TKFC: variants seen among roughly 807,000 people sequenced by gnomAD.
TKFC encodes triokinase/FMN cyclase.
Under a neutral mutation model 61.0 loss-of-function variants are expected in TKFC, and 46 were observed. The ratio of observed to expected loss-of-function variants is 0.75; its 90% CI spans 0.60 to 0.96. The LOEUF is 0.96. TKFC is among the 50% of genes least tolerant of loss of function. TKFC has a pLI of 0.00. For synonymous variants in TKFC, 314 were observed against 330.1 expected, an observed-to-expected ratio of 0.95 and a Z score of 0.53; for missense variants, 715 against 777.5, an observed-to-expected ratio of 0.92 and a Z score of 0.96.
downstream of TKFC, chr11:61,353,253 AC>A: frequency 2.3e-6 from 3 of 1,332,146 alleles, no homozygotes; most frequent in Non-Finnish European, 3.0e-6. Context: ...CACAACTCAA[AC>A]CTTCCCACCT....
downstream of TKFC, chr11:61,352,899 G>A: frequency 6.2e-7 from 1 of 1,606,956 alleles, no homozygotes; most frequent in African/African-American, 1.3e-5. Context: ...TCCTCCCTTG[G>A]GTGAGTCCTG....
rs749298721 is a variant in TKFC at position 61,341,921 on chromosome 11, G to C, written c.655+9G>C. 1 of 1,609,874 alleles carries C rather than the reference G, an allele frequency of 6.2e-7. No homozygotes were observed. The highest frequency in any genetic ancestry group is 1.7e-5 in the Admixed American group (1 of 59,764). The stretch of plus-strand genomic sequence containing the variant: ...GGTGGAGCTGGGCCTGGGTAAGCTT[G>C]TGGCCATCCATCCCAGCCCTGCCTG... On this transcript the variant is annotated intron_variant, in intron 7 of 17. Coordinates refer to ENST00000394900, the MANE Select transcript of TKFC (RefSeq NM_015533.4).
chr11:61,342,370 T>G (rs1856897278), intron 7 of TKFC, 91 bp from the exon 8 acceptor site: 1 of 1,531,430 alleles, frequency 6.5e-7, no homozygotes, highest in Admixed American at 1.7e-5. Flanking sequence ...CCACTTACTG[T>G]GTGAGTCCAG....
intron 2 of TKFC, chr11:61,335,747 G>A: frequency 6.6e-6 from 1 of 152,458 alleles, no homozygotes; most frequent in Non-Finnish European, 1.5e-5. Flanking sequence ...TCCTCACTGG[G>A]CTCATCTTTC....
At chr11:61,342,522 C>T in intron 8 of TKFC, 27 bp downstream of exon 8, 1 of 1,614,098 alleles carries the variant, frequency 6.2e-7, no homozygotes, top group Non-Finnish European at 8.5e-7. Context: ...GCACAGGCCG[C>T]CCTAAGGCCA....
downstream of TKFC, chr11:61,351,926 A>T (rs944750848): frequency 2.6e-5 from 4 of 151,964 alleles, no homozygotes; most frequent in African/African-American, 9.7e-5. Context: ...GGCTGGGGGG[A>T]TAAAAGGAGA....
chr11:61,350,658 C>A (rs1037679752), downstream of TKFC: 3 of 607,756 alleles, frequency 4.9e-6, no homozygotes, highest in Non-Finnish European at 8.6e-6. Context: ...GACTAGCCCC[C>A]AGGCTGGTAA....
At chr11:61,345,187 A>T in intron 13 of TKFC, 73 bp from the exon 14 acceptor site, 4 of 1,319,072 alleles carry the variant, frequency 3.0e-6, no homozygotes, top group Non-Finnish European at 4.2e-6. Flanking sequence ...TCCAGCCTTC[A>T]TTGGTGCTGG....
intron 2 of TKFC, among the ~76,000 whole-genome samples, chr11:61,337,720 G>A (rs952379313): frequency 1.3e-5 from 2 of 152,176 alleles, no homozygotes; most frequent in African/African-American, 4.8e-5. Flanking sequence ...AAGGTATGGT[G>A]CAAGACACTT....
rs1271738424 is a variant in TKFC at position 61,337,928 on chromosome 11, T to G, written c.4-13T>G. ...GACCACATTCTGACCTCCTTCTCAC[T>G]CCTCCCTTGCAGACCTCCAAGAAGC... is the stretch of plus-strand genomic sequence containing the variant. On this transcript the variant is annotated splice_polypyrimidine_tract_variant and intron_variant, in intron 2 of 17. Coordinates refer to ENST00000394900, the MANE Select transcript of TKFC (RefSeq NM_015533.4). The G allele has an allele frequency of 6.3e-7, 1 of 1,593,938 alleles. No individual in the cohort carries two copies. The highest frequency in any genetic ancestry group is 1.1e-5 in the South Asian group (1 of 88,586).
At position 61,339,316 on chromosome 11, in the gene TKFC, G is replaced by C; in HGVS notation, c.367G>C (p.Glu123Gln). 4.3e-6 allele frequency: 7 copies of C among 1,613,936 alleles called. No homozygotes were observed. Among genetic ancestry groups the C allele is most frequent in the Non-Finnish European group, 5.9e-6 (7 of 1,180,032 alleles). Reference protein sequence around the residue: ...GDRLNFGLAREQARAEGIPVE... With the variant: ...GDRLNFGLARQQARAEGIPVE... ...TCGGCTCAACTTCGGCCTGGCCCGG[G>C]AGCAGGCCCGGGCTGAAGGCATCCC... The change falls in exon 5 of 18, where the codon GAG (glutamate) becomes CAG (glutamine). Residue 123 changes from glutamate to glutamine, a missense_variant. By Grantham distance (29) the Glu-to-Gln change is conservative. Transcript: ENST00000394900.
Position 61,348,123 on chromosome 11 carries a change from CCAG to C in TKFC, c.*1625_*1627del. On this transcript the variant is annotated 3_prime_UTR_variant, in exon 18 of 18. Transcript: ENST00000394900. ...CATCCACGTGCACAGGAGTATGCGC[CCAG>C]CAGCTGGGAAGGAGGCTGACCTCAG... 1 of 985,446 alleles carries C rather than the reference CCAG, an allele frequency of 1.0e-6. No individual in the cohort carries two copies. The highest frequency in any genetic ancestry group is 1.2e-6 in the Non-Finnish European group (1 of 829,942). 61.0% of individuals were successfully genotyped at this position (985,446 alleles called of 1,614,324 possible).
At chr11:61,334,388 G>A in intron 1 of TKFC, 1 of 279,554 alleles carries the variant, frequency 3.6e-6, no homozygotes, top group South Asian at 5.0e-5. Flanking sequence ...TGCTGTTCCT[G>A]GACATAAAGG....
chr11:61,336,309 T>C (rs1856604850), intron 2 of TKFC: 2 of 154,554 alleles, frequency 1.3e-5, no homozygotes, highest in South Asian at 4.1e-4. Flanking sequence ...GAGCTGGTGC[T>C]AGCAAGCTCA....
chr11:61,350,356 AGGC>A, downstream of TKFC: 1 of 1,600,056 alleles, frequency 6.2e-7, no homozygotes, highest in African/African-American at 1.3e-5. Flanking sequence ...AGGGGAGCAC[AGGC>A]TGCACCACCA....
At chr11:61,349,660 C>A (rs764286283), downstream of TKFC, 2 of 702,608 alleles carry the variant, frequency 2.8e-6, no homozygotes, top group East Asian at 5.4e-5. Flanking sequence ...GAGGTGGAGC[C>A]GCACGGTCAC....
Position 61,343,342 on chromosome 11 carries a change from AG to A in TKFC, c.869del (p.Gly290AlafsTer4), listed in dbSNP as rs138390354. On this transcript the variant is annotated frameshift_variant and splice_region_variant, in exon 11 of 18. Coordinates refer to ENST00000394900, the MANE Select transcript of TKFC (RefSeq NM_015533.4). LOFTEE classifies it high-confidence loss of function. ...GGACTGCCACACTCTGGTATTGCAGAGGGCCGCGGGGTGAAGATTGCCCGTG... is the reference window on the plus strand; with the variant it reads ...GGACTGCCACACTCTGGTATTGCAGAGGCCGCGGGGTGAAGATTGCCCGTG... The part of the protein sequence containing the change: ...IIADATVRSL[E>X]GRGVKIARAL... The A allele has an allele frequency of 1.2e-4, 187 of 1,613,766 alleles. No homozygotes were observed. In the African/African-American group the frequency reaches 2.4e-3, roughly 20 times the overall value.
At chr11:61,344,111 G>C in intron 12 of TKFC, 25 bp from the exon 13 acceptor site, 1 of 1,611,046 alleles carries the variant, frequency 6.2e-7, no homozygotes, top group Non-Finnish European at 8.5e-7. Context: ...TGGTGGGCCT[G>C]TTCTTCAGCA....
In TKFC at chr11:61,348,068, C is replaced by T. The variant is rs1857228159; in HGVS notation, c.*1565C>T. On this transcript the variant is annotated 3_prime_UTR_variant, in exon 18 of 18. Coordinates refer to ENST00000394900, the MANE Select transcript of TKFC (RefSeq NM_015533.4). ...CTTCTCTACCCAGGGTCCTGTCTGT[C>T]GGCTGCACCATACGTCCCTGACCAC... 3.3e-5 allele frequency: 33 copies of T among 985,276 alleles called. No homozygotes were observed. Among genetic ancestry groups the T allele is most frequent in the African/African-American group, 7.0e-5 (4 of 57,202 alleles). The allele number at this position is 985,276 out of a possible 1,614,324, so 61.0% of individuals were successfully genotyped here.
Sources: gnomAD v4.1 joint callset for allele counts (sites outside exome capture counted in the v4.1 genomes callset) on GRCh38, gnomAD v4.1.1 for gene constraint, MANE v1.5 for transcripts, NCBI Gene and HGNC (gene_info 2026-07-23, HGNC 2026-07-21) for gene names.